The following REPS2 variants were observed in gnomAD, a reference collection of about 807,000 sequenced individuals.
REPS2 encodes the protein ralBP1-associated Eps domain-containing protein 2.
A neutral mutation model predicts 53.6 loss-of-function variants in REPS2; 23 were observed. The ratio of observed to expected loss-of-function variants is 0.43; its 90% confidence interval spans 0.31 to 0.61. REPS2 has a LOEUF of 0.61. REPS2 is among the 20% of genes least tolerant of loss of function. The pLI is 0.11. For missense variants in REPS2, 446 were observed against 534.9 expected (o/e 0.83, Z 1.64); for synonymous variants, 238 against 218.6 (o/e 1.09, Z -0.78).
intron 13 of REPS2, among the ~76,000 whole-genome samples, chrX:17,077,787 A>G (rs2062402184): frequency 8.9e-6 from 1 of 112,597 alleles, no homozygotes; most frequent in Non-Finnish European, 1.9e-5. Context: ...GTCTTCTATG[A>G]AAGATCTTGG....
chrX:17,110,115 G>A (rs1401494291), intron 14 of REPS2, among the ~76,000 whole-genome samples: 2 of 111,333 alleles, frequency 1.8e-5, no homozygotes, highest in Non-Finnish European at 3.8e-5. Flanking sequence ...GGCAGGGGAA[G>A]GAATTCCTGG....
At chrX:17,027,659 GTTTTTT>G (rs761592588) in intron 4 of REPS2, among the ~76,000 whole-genome samples, 1 of 67,270 alleles carries the variant, frequency 1.5e-5, no homozygotes, top group African/African-American at 6.1e-5. Flanking sequence ...AAATCTTTAG[GTTTTTT>G]TTTTTTTTTT....
intron 9 of REPS2, among the ~76,000 whole-genome samples, chrX:17,063,908 C>T (rs181003752): frequency 4.6e-5 from 4 of 87,506 alleles, no homozygotes; most frequent in Admixed American, 4.2e-4. Context: ...CACATGCACA[C>T]GTCTGTTTTA....
At chrX:17,119,544 A>G (rs1312119679) in intron 14 of REPS2, among the ~76,000 whole-genome samples, 1 of 112,148 alleles carries the variant, frequency 8.9e-6, no homozygotes. Flanking sequence ...GCTGAGAACT[A>G]TAGGAGCACA....
At position 17,054,822 on chromosome X, in the gene REPS2, C is replaced by T. The variant is rs2062045837; in HGVS notation, c.986C>T (p.Ala329Val). ...GTTTCATTTAGGGAGCTTAGTGATG[C>T]TGACTGTGATGGAGCCCTGACCCTG... ...ELSYIWELSDADCDGALTLPE... is the reference protein window; with the variant it reads ...ELSYIWELSDVDCDGALTLPE... The change falls in exon 8 of 18, where the codon GCT becomes GTT. Residue 329 changes from alanine (A) to valine (V), a missense_variant. Coordinates refer to ENST00000357277, the MANE Select transcript of REPS2 (RefSeq NM_004726.3). The T allele has an allele frequency of 2.5e-6, 3 of 1,208,715 alleles. No homozygotes were observed. In the African/African-American group the frequency reaches 5.3e-5, roughly 21 times the overall value.
the REPS2 span, among the ~76,000 whole-genome samples, chrX:17,163,294 C>T: frequency 9.0e-6 from 1 of 111,582 alleles, no homozygotes; most frequent in Non-Finnish European, 1.9e-5. Context: ...TGAGATTGTT[C>T]ATTCTTAGGA....
intron 5 of REPS2, among the ~76,000 whole-genome samples, chrX:17,030,755 G>A (rs1300578264): frequency 8.9e-6 from 1 of 112,314 alleles, no homozygotes; most frequent in Non-Finnish European, 1.9e-5. Flanking sequence ...GGTTGAGAGA[G>A]GTCAAATAGC....
chrX:17,118,887 C>T (rs1455120524), intron 14 of REPS2, among the ~76,000 whole-genome samples: 1 of 112,086 alleles, frequency 8.9e-6, no homozygotes, highest in African/African-American at 3.2e-5. Context: ...TTATTCTACC[C>T]CCTAAAAGGG....
At chrX:17,055,121 A>G (rs2062050472) in intron 8 of REPS2, among the ~76,000 whole-genome samples, 171 bp downstream of exon 8, 1 of 97,375 alleles carries the variant, frequency 1.0e-5, no homozygotes, top group Admixed American at 1.2e-4. Flanking sequence ...GCATTTCTTC[A>G]TGTGTTTTTT....
At chrX:16,962,682 A>G (rs1244402201) in intron 1 of REPS2, among the ~76,000 whole-genome samples, 1 of 112,066 alleles carries the variant, frequency 8.9e-6, no homozygotes, top group East Asian at 2.8e-4. Flanking sequence ...CTCCCCACAA[A>G]GGTAACTATG....
rs901242249 is a variant in REPS2, at chrX:17,010,360, T to C, written c.397+4016T>C. 3.6e-5 allele frequency among the ~76,000 whole-genome samples: 4 copies of C among 112,033 alleles called. No homozygotes were observed. In the Admixed American group the frequency reaches 3.8e-4, roughly 11 times the overall value. ...TAGCTAACAGTTTTTTCCAAGTTAA[T>C]ATCTACCCTTTCAGGATTATCAAAT... is the stretch of plus-strand genomic sequence containing the variant. On this transcript the variant is annotated intron_variant, in intron 2 of 17. Transcript: ENST00000357277.
chrX:17,049,782 G>A (rs2061954845), intron 6 of REPS2, among the ~76,000 whole-genome samples: 1 of 111,171 alleles, frequency 9.0e-6, no homozygotes, highest in Non-Finnish European at 1.9e-5. Flanking sequence ...TGTACAGTGT[G>A]TTTTTGTTTT....
intron 6 of REPS2, among the ~76,000 whole-genome samples, chrX:17,050,150 C>CTTTCTT: frequency 3.0e-5 from 1 of 32,883 alleles, no homozygotes; most frequent in Non-Finnish European, 4.7e-5. Flanking sequence ...TCCTTTCTTT[C>CTTTCTT]TTTCTTTCTT....
chrX:16,956,240 T>C (rs2060591627), intron 1 of REPS2, among the ~76,000 whole-genome samples: 1 of 102,979 alleles, frequency 9.7e-6, no homozygotes. Flanking sequence ...CAACTGAAAT[T>C]GAGCACTTCC....
chrX:17,018,602 CTTTT>C (rs11295347), intron 2 of REPS2, among the ~76,000 whole-genome samples: 2 of 90,491 alleles, frequency 2.2e-5, no homozygotes, highest in Non-Finnish European at 2.1e-5. Flanking sequence ...TTCTTTCTTT[CTTTT>C]TTTTTTTTTT....
chrX:16,997,309 T>C (rs2061245515), intron 1 of REPS2, among the ~76,000 whole-genome samples: 1 of 112,965 alleles, frequency 8.9e-6, no homozygotes, highest in Non-Finnish European at 1.9e-5. Context: ...AGTTAGTGCC[T>C]GGCACATAGT....
At chrX:17,075,437 T>C (rs1251689254) in intron 12 of REPS2, among the ~76,000 whole-genome samples, 1 of 112,577 alleles carries the variant, frequency 8.9e-6, no homozygotes, top group Non-Finnish European at 1.9e-5. Context: ...CTTTCAGAGA[T>C]TGCGCTTTTG....
At chrX:17,084,984 C>T (rs984978657) in intron 13 of REPS2, among the ~76,000 whole-genome samples, 12 of 112,082 alleles carry the variant, frequency 1.1e-4, no homozygotes, top group African/African-American at 3.6e-4. Context: ...CTCCTCTTTT[C>T]TTCTAAAAGT....
chrX:17,090,712 G>A lies in REPS2; in HGVS notation c.1517-13006G>A, dbSNP rs1209842565. Among the ~76,000 whole-genome samples the A allele has an allele frequency of 1.8e-5, 2 of 112,325 alleles. 1 individual carries two copies. Among genetic ancestry groups the A allele is most frequent in the Non-Finnish European group, 3.8e-5 (2 of 53,239 alleles). On this transcript the variant is annotated intron_variant, in intron 13 of 17. Transcript: ENST00000357277. Reference sequence around the variant, plus strand: ...TGTCTTTTTGTTTTCTTAATGATATGTTTTGAAGTACAGAAGTTTTGAGTT... The same window carrying A: ...TGTCTTTTTGTTTTCTTAATGATATATTTTGAAGTACAGAAGTTTTGAGTT...
Sources: gnomAD v4.1 joint callset for allele counts (sites outside exome capture counted in the v4.1 genomes callset) on GRCh38, gnomAD v4.1.1 for gene constraint, MANE v1.5 for transcripts, NCBI Gene and HGNC (gene_info 2026-07-23, HGNC 2026-07-21) for gene names.